ARHGEF16: variants seen among roughly 807,000 people sequenced by gnomAD.
ARHGEF16 encodes Rho guanine exchange factor (GEF) 16.
ARHGEF16 carries 59 observed loss-of-function variants against 74.1 expected under a neutral mutation model. The observed-to-expected ratio is 0.80, with a 90% CI of 0.65 to 0.99. ARHGEF16 has a LOEUF of 0.99. ARHGEF16 is among the 50% of genes least tolerant of loss of function. The probability of loss-of-function intolerance (pLI) is 0.00; values close to 1 mark genes in which losing one functional copy is unlikely to be tolerated. For missense variants in ARHGEF16, 948 were observed against 986.6 expected (o/e 0.96, Z 0.52); for synonymous variants, 415 against 412.6 (o/e 1.01, Z -0.07).
At chr1:3,470,168 G>A (rs1296253700) in intron 6 of ARHGEF16, among the ~76,000 whole-genome samples, 1 of 151,064 alleles carries the variant, frequency 6.6e-6, no homozygotes, top group Non-Finnish European at 1.5e-5. Context: ...TGCATGGTCA[G>A]TGGTGTGTGT....
In ARHGEF16 at chr1:3,463,184, G is replaced by A. The variant is rs964155916; in HGVS notation, c.100G>A (p.Gly34Arg). 1.4e-5 allele frequency: 22 copies of A among 1,528,892 alleles called. No homozygotes were observed. Among genetic ancestry groups the A allele is most frequent in the African/African-American group, 2.8e-5 (2 of 72,296 alleles). 94.7% of individuals were successfully genotyped at this position (1,528,892 alleles called of 1,614,324 possible). A position where few individuals can be genotyped will look rare whatever the true frequency, so the allele number is the denominator to read the frequency against. ...RLDAGGNPASGLPMVRGSPRV... is the reference protein window; with the variant it reads ...RLDAGGNPASRLPMVRGSPRV... ...CGATGCCGGGGGGAACCCAGCCTCCGGGCTCCCAATGGTCCGTGGCTCCCC... is the reference window on the plus strand; with the variant it reads ...CGATGCCGGGGGGAACCCAGCCTCCAGGCTCCCAATGGTCCGTGGCTCCCC... The change falls in exon 2 of 15, where the codon GGG becomes AGG. Residue 34 changes from glycine (G) to arginine (R), a missense_variant. By Grantham distance (125) the Gly-to-Arg change is moderately radical (BLOSUM62 -2). Transcript: ENST00000378378.
chr1:3,470,090 G>A (rs1054791606), intron 6 of ARHGEF16, among the ~76,000 whole-genome samples: 2 of 152,088 alleles, frequency 1.3e-5, no homozygotes, highest in Non-Finnish European at 2.9e-5. Context: ...GGGTATGTGC[G>A]TGGGGTGGGG....
intron 10 of ARHGEF16, 124 bp downstream of exon 10, chr1:3,476,186 C>G: frequency 9.7e-7 from 1 of 1,033,752 alleles, no homozygotes. Context: ...CCTCATGAGG[C>G]CTGGGGGCTG....
intron 1 of ARHGEF16, among the ~76,000 whole-genome samples, chr1:3,459,739 G>C (rs1349728117): frequency 6.6e-6 from 1 of 152,214 alleles, no homozygotes; most frequent in Non-Finnish European, 1.5e-5. Context: ...AACCAGGCTG[G>C]TCAAATGAGA....
chr1:3,465,616 G>T (rs10909947), intron 2 of ARHGEF16, among the ~76,000 whole-genome samples: 115,682 of 152,124 alleles, frequency 0.76, 46,659 homozygotes, highest in Non-Finnish European at 0.9. Context: ...TACCTGTGGC[G>T]TCAGGAAAGT....
chr1:3,476,458 A>C (rs1172610029), intron 10 of ARHGEF16, among the ~76,000 whole-genome samples: 2 of 152,094 alleles, frequency 1.3e-5, no homozygotes, highest in African/African-American at 4.8e-5. Flanking sequence ...CTGAGGACAG[A>C]GCGGAGGGGA....
rs141565881 is a variant in ARHGEF16, at chr1:3,478,815, A to G, written c.1814+203A>G. 3.2e-3 allele frequency among the ~76,000 whole-genome samples: 487 copies of G among 151,768 alleles called. 1 individual carries two copies. The highest frequency in any genetic ancestry group is 0.011 in the African/African-American group (459 of 41,370). On this transcript the variant is annotated intron_variant, in intron 12 of 14. Transcript: ENST00000378378. ...ATGGAGTTTATGTTCCCGGGAGGGG[A>G]CGCACCAACAGTTGGGCCACCAGGA...
At chr1:3,457,381 C>T (rs1238233863) in intron 1 of ARHGEF16, among the ~76,000 whole-genome samples, 1 of 152,212 alleles carries the variant, frequency 6.6e-6, no homozygotes, top group Non-Finnish European at 1.5e-5. Context: ...GGTGGGACCA[C>T]ATGAAGCTGG....
In ARHGEF16 at chr1:3,474,737, C is replaced by G. The variant is rs759612195; in HGVS notation, c.1335C>G (p.Ser445=). The change falls in exon 9 of 15, where the codon TCC becomes TCG. Residue 445 remains serine, a synonymous_variant. Coordinates refer to ENST00000378378, the MANE Select transcript of ARHGEF16 (RefSeq NM_014448.4). ...TCTGCCTCAAGACCCAGGGCCACTC[C>G]GAAAGGTACAAGGCTGCCAGCCGTG... is the stretch of plus-strand genomic sequence containing the variant. The part of the protein sequence containing the change: ...DTLCLKTQGH[S]ERYKAASRAL... The G allele has an allele frequency of 3.1e-6, 5 of 1,612,752 alleles. No individual in the cohort carries two copies. Among genetic ancestry groups the G allele is most frequent in the Non-Finnish European group, 3.4e-6 (4 of 1,179,982 alleles).
At chr1:3,457,532 G>A (rs1303422272) in intron 1 of ARHGEF16, among the ~76,000 whole-genome samples, 1 of 152,262 alleles carries the variant, frequency 6.6e-6, no homozygotes, top group African/African-American at 2.4e-5. Context: ...GCACGGGGCT[G>A]GCGCCCACTA....
intron 1 of ARHGEF16, among the ~76,000 whole-genome samples, chr1:3,460,291 C>CAGCT (rs1557685892): frequency 6.6e-6 from 1 of 152,238 alleles, no homozygotes; most frequent in Non-Finnish European, 1.5e-5. Context: ...TCTCCTGGGA[C>CAGCT]AGCTGCTGCC....
Position 3,478,307 on chromosome 1 carries a change from C to T in ARHGEF16, c.1626-117C>T, listed in dbSNP as rs74050528. ...GTGGGACGCGGGAACTCTTGGAGCCCGTCCGTGGCTGCCTCCCCACCACTG... is the reference window on the plus strand; with the variant it reads ...GTGGGACGCGGGAACTCTTGGAGCCTGTCCGTGGCTGCCTCCCCACCACTG... On this transcript the variant is annotated intron_variant, in intron 11 of 14. Coordinates refer to ENST00000378378, the MANE Select transcript of ARHGEF16 (RefSeq NM_014448.4). The T allele has an allele frequency of 5.4e-3, 6,367 of 1,179,554 alleles. 240 individuals carry two copies. In the African/African-American group the frequency reaches 0.085, roughly 16 times the overall value. 73.1% of individuals were successfully genotyped at this position (1,179,554 alleles called of 1,614,324 possible).
At chr1:3,456,214 C>T (rs1487495194) in intron 1 of ARHGEF16, among the ~76,000 whole-genome samples, 1 of 152,238 alleles carries the variant, frequency 6.6e-6, no homozygotes, top group Non-Finnish European at 1.5e-5. Context: ...AAGCACTTTC[C>T]ACCTACACAT....
In ARHGEF16 at chr1:3,477,899, C is replaced by G. The variant is rs748140580; in HGVS notation, c.1498C>G (p.Arg500Gly). 6.2e-7 allele frequency: 1 copy of G among 1,612,514 alleles called. No individual in the cohort carries two copies. The highest frequency in any genetic ancestry group is 1.3e-5 in the African/African-American group (1 of 74,914). ...GTCCCTCCCACTGATCTCTGCCTCCCGGTGGCTGCTGAAGCGCGGAGAGCT... is the reference window on the plus strand; with the variant it reads ...GTCCCTCCCACTGATCTCTGCCTCCGGGTGGCTGCTGAAGCGCGGAGAGCT... ...VKSLPLISASRWLLKRGELFL... is the reference protein window; with the variant it reads ...VKSLPLISASGWLLKRGELFL... Residue 500 changes from arginine to glycine, a missense_variant, in exon 11 of 15, where the codon CGG becomes GGG. Transcript: ENST00000378378.
chr1:3,463,619 G>C lies in ARHGEF16; in HGVS notation c.535G>C (p.Ala179Pro), dbSNP rs1022809354. 8.4e-5 allele frequency: 120 copies of C among 1,432,258 alleles called. No individual in the cohort carries two copies. Among genetic ancestry groups the C allele is most frequent in the East Asian group, 1.5e-4 (6 of 39,636 alleles). The allele number at this position is 1,432,258 out of a possible 1,614,324, so 88.7% of individuals were successfully genotyped here. Residue 179 changes from alanine (A) to proline (P), a missense_variant, in exon 2 of 15, where the codon GCT (alanine) becomes CCT (proline). Transcript: ENST00000378378. ...CATCCAGCTAAGCCCTAAGCTCCAGGCTCTGGCTGAGGAACCCAGCCAGCC... is the reference window on the plus strand; with the variant it reads ...CATCCAGCTAAGCCCTAAGCTCCAGCCTCTGGCTGAGGAACCCAGCCAGCC... ...DAIQLSPKLQ[A>P]LAEEPSQPHT...
At chr1:3,468,629 C>G in intron 4 of ARHGEF16, 1 of 538,864 alleles carries the variant, frequency 1.9e-6, no homozygotes, top group Non-Finnish European at 3.4e-6. Flanking sequence ...GCCCCATGCT[C>G]TTTCTGGGCT....
In ARHGEF16 at chr1:3,477,934, G is replaced by T; in HGVS notation, c.1533G>T (p.Val511=). 6.2e-7 allele frequency: 1 copy of T among 1,612,686 alleles called. No individual in the cohort carries two copies. The change falls in exon 11 of 15, where the codon GTG becomes GTT. Residue 511 remains valine (V), a synonymous_variant. Transcript: ENST00000378378. ...TGAAGCGCGGAGAGCTGTTCTTAGT[G>T]GAAGAAACCGGACTTTTTCGAAAAA... ...WLLKRGELFL[V]EETGLFRKIA...
Position 3,457,162 on chromosome 1 carries a change from A to G in ARHGEF16, c.-20+2351A>G, listed in dbSNP as rs376750514. ...AACGGAGCTGGCTGATGTGTGCTGC[A>G]TGATTTGCAAAAGCAAGTCCTCCCC... On this transcript the variant is annotated intron_variant, in intron 1 of 14. Transcript: ENST00000378378. Among the ~76,000 whole-genome samples, 43 of 152,374 alleles carry G rather than the reference A, an allele frequency of 2.8e-4. 1 individual carries two copies. In the South Asian group the frequency reaches 8.5e-3, roughly 30 times the overall value.
At chr1:3,468,730 G>C in intron 4 of ARHGEF16, 150 bp from the exon 5 acceptor site, 1 of 802,676 alleles carries the variant, frequency 1.2e-6, no homozygotes, top group Non-Finnish European at 2.1e-6. Flanking sequence ...CCCTCGGCAG[G>C]ACAGGCCTAC....
Sources: gnomAD v4.1 joint callset for allele counts (sites outside exome capture counted in the v4.1 genomes callset) on GRCh38, gnomAD v4.1.1 for gene constraint, MANE v1.5 for transcripts, NCBI Gene and HGNC (gene_info 2026-07-23, HGNC 2026-07-21) for gene names.